The following TENM2 variants were observed in gnomAD, a reference collection of about 807,000 sequenced individuals.
TENM2 encodes teneurin transmembrane protein 2, also known as teneurin-2.
A neutral mutation model predicts 245.2 loss-of-function variants in TENM2; 52 were observed. The ratio of observed to expected loss-of-function variants is 0.21; its 90% CI spans 0.17 to 0.27. The LOEUF is 0.27. Ranked by LOEUF, TENM2 falls within the 10% of genes least tolerant of loss-of-function variation. The pLI, the probability that TENM2 is intolerant of heterozygous loss-of-function variation, is 1.00. For synonymous variants in TENM2, 1,363 were observed against 1,438.9 expected, an observed-to-expected ratio of 0.95 and a Z score of 1.19; for missense variants, 3,046 against 3,666.8, an observed-to-expected ratio of 0.83 and a Z score of 4.37.
At chr5:167,355,948 C>T (rs1237941885) in intron 1 of TENM2, among the ~76,000 whole-genome samples, 10 of 149,434 alleles carry the variant, frequency 6.7e-5, no homozygotes, top group Non-Finnish European at 1.3e-4. Context: ...TTTGGGAGGC[C>T]GAGGCGGGCA....
At chr5:167,233,170 C>A in the TENM2 span, among the ~76,000 whole-genome samples, 3 of 152,142 alleles carry the variant, frequency 2.0e-5, no homozygotes, top group Non-Finnish European at 2.9e-5. Flanking sequence ...AAGTGGAATG[C>A]AAAGTCTGAC....
chr5:167,536,319 T>G lies in TENM2; in HGVS notation c.502+160846T>G, dbSNP rs559744927. 1.1e-3 allele frequency among the ~76,000 whole-genome samples: 173 copies of G among 152,218 alleles called. 1 individual carries two copies. Among genetic ancestry groups the G allele is most frequent in the African/African-American group, 4.0e-3 (167 of 41,548 alleles). ...AAGACCCAAAGGGTGTACTAAGCTA[T>G]TTAGAAGTCAAGTAAAATGCCTTGA... On this transcript the variant is annotated intron_variant, in intron 2 of 28. Coordinates refer to ENST00000518659, the Ensembl canonical transcript of TENM2.
chr5:168,245,120 A>G (rs1167818645), intron 26 of TENM2, among the ~76,000 whole-genome samples: 1 of 150,556 alleles, frequency 6.6e-6, no homozygotes, highest in South Asian at 2.1e-4. Context: ...AGACATCTTA[A>G]CATCTTTACT....
chr5:167,140,780 G>A, the TENM2 span, among the ~76,000 whole-genome samples: 4 of 152,066 alleles, frequency 2.6e-5, no homozygotes, highest in Admixed American at 2.6e-4. Flanking sequence ...GATGGGCAAG[G>A]CTTCACAAGA....
At chr5:168,235,675 G>A (rs1018731269) in intron 25 of TENM2, among the ~76,000 whole-genome samples, 2 of 151,974 alleles carry the variant, frequency 1.3e-5, no homozygotes, top group Admixed American at 6.6e-5. Flanking sequence ...GGTGTGGTGC[G>A]GCACGCCTAT....
At chr5:168,071,587 T>C (rs1257516432) in intron 7 of TENM2, among the ~76,000 whole-genome samples, 1 of 152,232 alleles carries the variant, frequency 6.6e-6, no homozygotes, top group Non-Finnish European at 1.5e-5. Flanking sequence ...TAAACTCATT[T>C]TAAATGCCTC....
chr5:167,438,599 C>G (rs374179499), intron 2 of TENM2, among the ~76,000 whole-genome samples: 5 of 151,998 alleles, frequency 3.3e-5, no homozygotes, highest in Admixed American at 6.6e-5. Context: ...GGGTTTCACG[C>G]TGTTAGCCAG....
intron 3 of TENM2, among the ~76,000 whole-genome samples, chr5:167,903,731 ATC>A (rs1405771849): frequency 6.6e-6 from 1 of 152,226 alleles, no homozygotes; most frequent in Non-Finnish European, 1.5e-5. Flanking sequence ...CATCAGCAGC[ATC>A]TGGGAGTTTC....
At chr5:167,830,316 TG>T (rs1299692846) in intron 2 of TENM2, among the ~76,000 whole-genome samples, 24 of 152,220 alleles carry the variant, frequency 1.6e-4, no homozygotes, top group African/African-American at 5.1e-4. Context: ...TGCTTGATAA[TG>T]TTTTTTTATC....
chr5:168,019,351 T>C (rs552991701), intron 5 of TENM2, among the ~76,000 whole-genome samples: 1 of 152,140 alleles, frequency 6.6e-6, no homozygotes, highest in Non-Finnish European at 1.5e-5. Flanking sequence ...CCATGCAGAA[T>C]GAAGTGATGG....
chr5:167,984,587 G>A (rs1286674554), intron 4 of TENM2, among the ~76,000 whole-genome samples: 1 of 152,148 alleles, frequency 6.6e-6, no homozygotes, highest in East Asian at 1.9e-4. Flanking sequence ...ACTGGGAGGT[G>A]GAGGTTGCAG....
chr5:167,819,058 CTG>C (rs145489126), intron 2 of TENM2, among the ~76,000 whole-genome samples: 10,537 of 146,586 alleles, frequency 0.072, 736 homozygotes, highest in African/African-American at 0.18. Flanking sequence ...TGGTGTGTGA[CTG>C]TGTGTGTGTG....
chr5:167,296,420 T>C (rs1405098118), intron 1 of TENM2: 1 of 152,224 alleles, frequency 6.6e-6, no homozygotes, highest in East Asian at 1.9e-4. Flanking sequence ...AATTTGTTTG[T>C]AGCACTTTGA....
intron 2 of TENM2, among the ~76,000 whole-genome samples, chr5:167,458,514 A>AAAC (rs1766074574): frequency 6.6e-6 from 1 of 151,318 alleles, no homozygotes. Context: ...AAAAAAAAAA[A>AAAC]AAGACATTTT....
chr5:168,081,182 G>A (rs1281529807), intron 7 of TENM2, among the ~76,000 whole-genome samples: 2 of 152,178 alleles, frequency 1.3e-5, no homozygotes, highest in Non-Finnish European at 2.9e-5. Flanking sequence ...TTACCATTAT[G>A]TAATGGCCTT....
chr5:167,503,722 C>G (rs1052278898), intron 2 of TENM2, among the ~76,000 whole-genome samples: 1 of 151,864 alleles, frequency 6.6e-6, no homozygotes, highest in African/African-American at 2.4e-5. Context: ...GGCAGAAACC[C>G]ATTTCTACAA....
chr5:168,198,188 CT>C (rs35539116), intron 15 of TENM2, among the ~76,000 whole-genome samples: 512 of 95,840 alleles, frequency 5.3e-3, no homozygotes, highest in African/African-American at 0.014. Context: ...CCAATGAACC[CT>C]TTTTTTTTTT....
At chr5:167,831,282 C>A (rs1266960664) in intron 2 of TENM2, among the ~76,000 whole-genome samples, 4 of 152,080 alleles carry the variant, frequency 2.6e-5, no homozygotes, top group Non-Finnish European at 1.5e-5. Context: ...CATTATTCCT[C>A]ACAATTGATC....
In TENM2 at chr5:168,070,585, G is replaced by A. The variant is rs374528525; in HGVS notation, c.1515+8320G>A. ...CACTTGAGCCCAGGATATCAAGACC[G>A]CCCTGGACAGCAAAGTGAGACTTCA... On this transcript the variant is annotated intron_variant, in intron 7 of 28. Transcript: ENST00000518659. Among the ~76,000 whole-genome samples, 97 of 147,148 alleles carry A rather than the reference G, an allele frequency of 6.6e-4. 1 individual carries two copies. In the South Asian group the frequency reaches 0.019, roughly 29 times the overall value.
Sources: gnomAD v4.1 joint callset for allele counts (sites outside exome capture counted in the v4.1 genomes callset) on GRCh38, gnomAD v4.1.1 for gene constraint, MANE v1.5 for transcripts, NCBI Gene and HGNC (gene_info 2026-07-23, HGNC 2026-07-21) for gene names.